KMT2E: variants seen among roughly 807,000 people sequenced by gnomAD.
The protein encoded by KMT2E is histone reader KMT2E.
Under a neutral mutation model 184.6 loss-of-function variants are expected in KMT2E, and 30 were observed. The ratio of observed to expected loss-of-function variants is 0.16; its 90% CI spans 0.12 to 0.22. The LOEUF is 0.22. Ranked by LOEUF, KMT2E falls within the 10% of genes least tolerant of loss-of-function variation. The pLI is 1.00. For missense variants in KMT2E, 2,023 were observed against 2,237.4 expected (o/e 0.90, Z 1.93); for synonymous variants, 815 against 776.5 (o/e 1.05, Z -0.82).
intron 3 of KMT2E, among the ~76,000 whole-genome samples, chr7:105,055,638 T>C (rs1208223897): frequency 6.6e-6 from 1 of 152,226 alleles, no homozygotes; most frequent in Non-Finnish European, 1.5e-5. Flanking sequence ...CTACAGGTAA[T>C]TGTGCTGCTG....
At chr7:105,015,805 G>C (rs1344240130) in intron 1 of KMT2E, among the ~76,000 whole-genome samples, 1 of 151,544 alleles carries the variant, frequency 6.6e-6, no homozygotes, top group Non-Finnish European at 1.5e-5. Flanking sequence ...TTCCTTCCCC[G>C]AGCCAGTTAC....
chr7:105,063,815 A>G, intron 5 of KMT2E: 1 of 509,974 alleles, frequency 2.0e-6, no homozygotes, highest in Non-Finnish European at 3.5e-6. Context: ...TTCATGTAGG[A>G]TCACATTTTT....
chr7:105,039,770 A>T (rs767204543), intron 2 of KMT2E, among the ~76,000 whole-genome samples: 2 of 152,132 alleles, frequency 1.3e-5, no homozygotes, highest in African/African-American at 4.8e-5. Flanking sequence ...CTGCTTTTCA[A>T]TATTTCAGGT....
chr7:105,074,920 G>A (rs1448071781), intron 8 of KMT2E, 105 bp downstream of exon 8: 1 of 760,634 alleles, frequency 1.3e-6, no homozygotes, highest in Admixed American at 3.9e-5. Context: ...AGCTAAAAAG[G>A]ATCTAGCAGA....
At chr7:105,106,465 C>T (rs1584803627) in intron 19 of KMT2E, 57 bp from the exon 20 acceptor site, 1 of 1,451,404 alleles carries the variant, frequency 6.9e-7, no homozygotes, top group Non-Finnish European at 9.6e-7. Flanking sequence ...GTGACACAAA[C>T]AGATTTTAAC....
chr7:105,061,408 A>G (rs960373409), intron 3 of KMT2E, among the ~76,000 whole-genome samples: 1 of 152,212 alleles, frequency 6.6e-6, no homozygotes, highest in African/African-American at 2.4e-5. Context: ...GGAGAGATTA[A>G]TTTTAGTGTG....
At chr7:105,039,807 A>G (rs1391218039) in intron 2 of KMT2E, among the ~76,000 whole-genome samples, 1 of 152,120 alleles carries the variant, frequency 6.6e-6, no homozygotes, top group Non-Finnish European at 1.5e-5. Context: ...AAGGATAATG[A>G]CTGTTGCTGT....
chr7:105,068,126 C>T (rs1268715064), intron 6 of KMT2E, among the ~76,000 whole-genome samples: 2 of 152,142 alleles, frequency 1.3e-5, no homozygotes, highest in Non-Finnish European at 2.9e-5. Flanking sequence ...TTACAGTGTG[C>T]ATGTTTAGGG....
At chr7:105,034,337 ATCC>A (rs1795546034) in intron 1 of KMT2E, among the ~76,000 whole-genome samples, 1 of 152,106 alleles carries the variant, frequency 6.6e-6, no homozygotes, top group African/African-American at 2.4e-5. Context: ...GGCTCAGACG[ATCC>A]TCCTACCTCA....
At chr7:105,017,476 CT>C (rs367910684) in intron 1 of KMT2E, among the ~76,000 whole-genome samples, 5,803 of 113,370 alleles carry the variant, frequency 0.051, 172 homozygotes, top group East Asian at 0.16. Context: ...ATGATACTGG[CT>C]TTTTTTTTTT....
At chr7:105,073,570 G>A in intron 6 of KMT2E, 49 bp from the exon 7 acceptor site, 1 of 1,154,238 alleles carries the variant, frequency 8.7e-7, no homozygotes, top group Non-Finnish European at 1.3e-6. Flanking sequence ...ATTTAAGACA[G>A]ATCTGCTTCA....
chr7:105,110,204 C>A, intron 23 of KMT2E, 76 bp from the exon 24 acceptor site: 1 of 1,141,420 alleles, frequency 8.8e-7, no homozygotes, highest in Non-Finnish European at 1.3e-6. Flanking sequence ...TCTGACAGTA[C>A]ATGTTGACTA....
chr7:105,074,787 A>G lies in KMT2E; in HGVS notation c.701A>G (p.Lys234Arg), dbSNP rs751724736. 12 of 1,609,028 alleles carry G rather than the reference A, an allele frequency of 7.5e-6. 1 individual carries two copies. The South Asian group carries it at 1.3e-4, about 18-fold the overall frequency. ...AAAAGAAGGAAAAAAAGCGGGGAGAAAGAACAACACATTTCAAAATGTAAA... is the reference window on the plus strand; with the variant it reads ...AAAAGAAGGAAAAAAAGCGGGGAGAGAGAACAACACATTTCAAAATGTAAA... Reference protein sequence around the residue: ...NDKRRKKSGEKEQHISKCKKA... With the variant: ...NDKRRKKSGEREQHISKCKKA... Residue 234 changes from lysine to arginine, a missense_variant, in exon 8 of 27, where the codon AAA (lysine) becomes AGA (arginine). By Grantham distance (26) the Lys-to-Arg change is conservative. Around this residue, in one of 8 missense-constraint regions of KMT2E, gnomAD observed 191 missense variants for 209.0 expected, o/e 0.91. Coordinates refer to ENST00000311117, the MANE Select transcript of KMT2E (RefSeq NM_182931.3).
intron 1 of KMT2E, among the ~76,000 whole-genome samples, chr7:105,031,430 C>G (rs548266871): frequency 6.6e-6 from 1 of 151,192 alleles, no homozygotes; most frequent in Non-Finnish European, 1.5e-5. Context: ...TCATTTTAAT[C>G]AAAAACCTGC....
chr7:105,025,013 G>C (rs1795115313), intron 1 of KMT2E, among the ~76,000 whole-genome samples: 1 of 152,112 alleles, frequency 6.6e-6, no homozygotes, highest in Non-Finnish European at 1.5e-5. Context: ...TTGAATGCCA[G>C]ATTAAAAGCA....
chr7:105,085,795 C>T (rs899416941), intron 13 of KMT2E, among the ~76,000 whole-genome samples: 3 of 151,760 alleles, frequency 2.0e-5, no homozygotes, highest in Non-Finnish European at 2.9e-5. Context: ...GCCATTCTCC[C>T]GCCTCGGAGA....
intron 3 of KMT2E, among the ~76,000 whole-genome samples, chr7:105,046,358 G>T (rs1361074471): frequency 1.1e-4 from 17 of 152,018 alleles, no homozygotes. Context: ...CCTTTTAATA[G>T]TATGCAAAGG....
intron 3 of KMT2E, among the ~76,000 whole-genome samples, chr7:105,043,830 C>T (rs891052689): frequency 6.6e-6 from 1 of 152,164 alleles, no homozygotes; most frequent in Non-Finnish European, 1.5e-5. Flanking sequence ...GTGGCTTATA[C>T]CTGTAATTCC....
At chr7:105,059,978 G>GTTGTT (rs1796734822) in intron 3 of KMT2E, among the ~76,000 whole-genome samples, 13 of 51,798 alleles carry the variant, frequency 2.5e-4, no homozygotes, top group African/African-American at 4.1e-4. Flanking sequence ...TCTTGTTGTT[G>GTTGTT]TTTTTTTTTT....
Sources: allele counts gnomAD v4.1 joint callset (sites outside exome capture counted in the v4.1 genomes callset), GRCh38; gene constraint gnomAD v4.1.1; regional missense constraint gnomAD v4.1.1; transcripts MANE v1.5; gene names NCBI Gene and HGNC (gene_info 2026-07-23, HGNC 2026-07-21).